Variants in UGGT1 observed in about 807,000 individuals in gnomAD.
UGGT1 encodes UDP-glucose:glycoprotein glucosyltransferase 1.
A neutral mutation model predicts 203.9 loss-of-function variants in UGGT1; 107 were observed. The ratio of observed to expected loss-of-function variants is 0.52; its 90% CI spans 0.45 to 0.62. The LOEUF is 0.62. Among genes scored for constraint, UGGT1 ranks in the 20% least tolerant of loss-of-function variants. The pLI is 0.00. For synonymous variants in UGGT1, 628 were observed against 653.5 expected (o/e 0.96, Z 0.59); for missense variants, 1,673 against 1,867.2 (o/e 0.90, Z 1.92).
chr2:128,156,520 T>A, intron 21 of UGGT1, 105 bp downstream of exon 21: 1 of 882,306 alleles, frequency 1.1e-6, no homozygotes, highest in Non-Finnish European at 1.8e-6. Flanking sequence ...GTTTCCGGAA[T>A]CTGTGGGTAA....
At chr2:128,174,449 C>T (rs1299657057) in intron 30 of UGGT1, among the ~76,000 whole-genome samples, 1 of 151,932 alleles carries the variant, frequency 6.6e-6, no homozygotes, top group Admixed American at 6.6e-5. Context: ...CGGGCACCCA[C>T]CACCATGCCC....
At chr2:128,173,285 C>T (rs1253575765) in intron 29 of UGGT1, among the ~76,000 whole-genome samples, 2 of 152,150 alleles carry the variant, frequency 1.3e-5, no homozygotes, top group Admixed American at 1.3e-4. Context: ...CACGAATGGA[C>T]ATTTGAGTTG....
Position 128,174,760 on chromosome 2 carries a change from C to G in UGGT1, c.3454-13C>G. 1 of 1,605,298 alleles carries G rather than the reference C, an allele frequency of 6.2e-7. No homozygotes were observed. On this transcript the variant is annotated splice_polypyrimidine_tract_variant and intron_variant, in intron 30 of 40. Transcript: ENST00000259253. ...TTTGAAGAGAGCTAACTGGACTTTT[C>G]TTCTTGTCCTAGGGCTACTTTCAGC...
chr2:128,174,805 T>A lies in UGGT1; in HGVS notation c.3486T>A (p.Ala1162=). ...TTCAGCTGAAAGCCAACCCAGGAGC[T>A]TGGATCCTCAGACTTAGGAAGGGAC... ...GYFQLKANPG[A]WILRLRKGRS... The change falls in exon 31 of 41, where the codon GCT becomes GCA. Residue 1162 remains alanine, a synonymous_variant. Transcript: ENST00000259253. 1 of 1,613,982 alleles carries A rather than the reference T, an allele frequency of 6.2e-7. No individual in the cohort carries two copies. Among genetic ancestry groups the A allele is most frequent in the Non-Finnish European group, 8.5e-7 (1 of 1,179,926 alleles).
Position 128,120,352 on chromosome 2 carries a change from T to A in UGGT1, c.873-4T>A. ...AAAAGGACTGATTTTTATGTTTCTTTTAGAGATCTGCACCCCGACCTGGAG... is the reference window on the plus strand; with the variant it reads ...AAAAGGACTGATTTTTATGTTTCTTATAGAGATCTGCACCCCGACCTGGAG... On this transcript the variant is annotated splice_region_variant and splice_polypyrimidine_tract_variant and intron_variant, in intron 8 of 40. Coordinates refer to ENST00000259253, the MANE Select transcript of UGGT1 (RefSeq NM_020120.4). The A allele has an allele frequency of 1.7e-5, 27 of 1,610,020 alleles. No individual in the cohort carries two copies. The highest frequency in any genetic ancestry group is 2.3e-5 in the Non-Finnish European group (27 of 1,178,976).
intron 19 of UGGT1, 150 bp downstream of exon 19, chr2:128,153,054 C>T: frequency 9.0e-7 from 1 of 1,107,900 alleles, no homozygotes; most frequent in Non-Finnish European, 1.3e-6. Context: ...AAACTCTTTG[C>T]ACCTTTAGTT....
chr2:128,179,838 T>C lies in UGGT1; in HGVS notation c.3868T>C (p.Phe1290Leu). Residue 1290 changes from phenylalanine to leucine, a missense_variant, in exon 35 of 41, where the codon TTC becomes CTC. Around this residue, in one of 4 missense-constraint regions of UGGT1, gnomAD observed 513 missense variants for 684.1 expected, o/e 0.75. Transcript: ENST00000259253. Reference protein sequence around the residue: ...KNTKTPVKFWFLKNYLSPTFK... With the variant: ...KNTKTPVKFWLLKNYLSPTFK... ...TACCAAGACTCCTGTGAAATTCTGG[T>C]TCTTGAAGAATTACTTGTCCCCCAC... 6.2e-7 allele frequency: 1 copy of C among 1,614,114 alleles called. No individual in the cohort carries two copies. Among genetic ancestry groups the C allele is most frequent in the Non-Finnish European group, 8.5e-7 (1 of 1,179,980 alleles).
At chr2:128,188,918 C>T (rs1206962498) in intron 40 of UGGT1, among the ~76,000 whole-genome samples, 2 of 152,160 alleles carry the variant, frequency 1.3e-5, no homozygotes, top group Non-Finnish European at 2.9e-5. Flanking sequence ...ATATAGTAAC[C>T]ATAAAAGTAA....
At position 128,138,797 on chromosome 2, in the gene UGGT1, A is replaced by G. The variant is rs1243744417; in HGVS notation, c.1664A>G (p.Tyr555Cys). ...GCTGGAGTGGCTGTTCTTAGAGCAT[A>G]TAATTATGTTGCCCAAGAAGTGGAT... The part of the protein sequence containing the change: ...QDAGVAVLRA[Y>C]NYVAQEVDDY... Residue 555 changes from tyrosine to cysteine, a missense_variant, in exon 16 of 41, where the codon TAT becomes TGT. Physicochemically the swap from Tyr to Cys is radical, Grantham distance 194. Coordinates refer to ENST00000259253, the MANE Select transcript of UGGT1 (RefSeq NM_020120.4). The G allele has an allele frequency of 1.2e-6, 2 of 1,614,202 alleles. No homozygotes were observed. Among genetic ancestry groups the G allele is most frequent in the Non-Finnish European group, 1.7e-6 (2 of 1,180,030 alleles).
chr2:128,116,238 T>G (rs1299073746), intron 7 of UGGT1, 27 bp from the exon 8 acceptor site: 1 of 1,422,942 alleles, frequency 7.0e-7, no homozygotes, highest in Admixed American at 1.7e-5. Flanking sequence ...CAATTATTAA[T>G]AATATGTATT....
At position 128,176,098 on chromosome 2, in the gene UGGT1, A is replaced by G. The variant is rs998865083; in HGVS notation, c.3540-716A>G. On this transcript the variant is annotated intron_variant, in intron 31 of 40. Transcript: ENST00000259253. Reference sequence around the variant, plus strand: ...CAGAAAGAGCGAGCAGATTTCCTTTACAACACTATTCCAGTTAAAGAGTAG... The same window carrying G: ...CAGAAAGAGCGAGCAGATTTCCTTTGCAACACTATTCCAGTTAAAGAGTAG... 5.3e-5 allele frequency among the ~76,000 whole-genome samples: 8 copies of G among 152,156 alleles called. No individual in the cohort carries two copies. In the South Asian group the frequency reaches 1.7e-3, roughly 31 times the overall value.
At chr2:128,183,937 T>TGTGTGTGTGTGTGAGTGTGA in intron 38 of UGGT1, 148 bp downstream of exon 38, 1 of 326,392 alleles carries the variant, frequency 3.1e-6, no homozygotes, top group Non-Finnish European at 5.7e-6. Flanking sequence ...TGTGTGTGTG[T>TGTGTGTGTGTGTGAGTGTGA]GAGAGAGAGA....
chr2:128,120,639 A>G (rs1029657701), intron 9 of UGGT1, among the ~76,000 whole-genome samples, 183 bp downstream of exon 9: 5 of 152,206 alleles, frequency 3.3e-5, no homozygotes, highest in African/African-American at 1.2e-4. Flanking sequence ...TAAACAGATA[A>G]CACTAGGTAG....
chr2:128,187,826 T>C (rs1692061422), intron 40 of UGGT1, among the ~76,000 whole-genome samples: 1 of 151,808 alleles, frequency 6.6e-6, no homozygotes. Context: ...TTTTTTTTTT[T>C]CTCGTTTTTC....
intron 35 of UGGT1, among the ~76,000 whole-genome samples, chr2:128,180,095 G>A (rs189561707): frequency 6.6e-6 from 1 of 152,160 alleles, no homozygotes; most frequent in Non-Finnish European, 1.5e-5. Context: ...AGAGTCTTTT[G>A]TTGTTGTTAT....
At chr2:128,120,295 T>A (rs1282934334) in intron 8 of UGGT1, 61 bp from the exon 9 acceptor site, 5 of 1,531,962 alleles carry the variant, frequency 3.3e-6, no homozygotes, top group East Asian at 2.3e-5. Context: ...TTGGTTTACT[T>A]CTTCTTATGC....
intron 32 of UGGT1, 115 bp from the exon 33 acceptor site, chr2:128,177,717 A>G: frequency 1.2e-6 from 1 of 834,406 alleles, no homozygotes; most frequent in Non-Finnish European, 1.8e-6. Context: ...CCTGTTTGTG[A>G]GAGAATTGAT....
intron 1 of UGGT1, among the ~76,000 whole-genome samples, chr2:128,095,390 C>CTTCCCCTTCCCCTTCCT (rs1558743562): frequency 1.4e-5 from 2 of 144,888 alleles, no homozygotes; most frequent in East Asian, 2.1e-4. Context: ...TTCCCCTTCC[C>CTTCCCCTTCCCCTTCCT]CTTCTCCTTC....
intron 16 of UGGT1, among the ~76,000 whole-genome samples, chr2:128,141,094 G>A (rs1392145191): frequency 6.6e-6 from 1 of 152,028 alleles, no homozygotes; most frequent in Non-Finnish European, 1.5e-5. Context: ...GAGGCCAAGG[G>A]AGGGAGATCA....
Sources: gnomAD v4.1 joint callset for allele counts (sites outside exome capture counted in the v4.1 genomes callset) on GRCh38, gnomAD v4.1.1 for gene constraint, gnomAD v4.1.1 regional missense constraint, MANE v1.5 for transcripts, NCBI Gene and HGNC (gene_info 2026-07-23, HGNC 2026-07-21) for gene names.